Variants in CD101 observed in about 807,000 individuals in gnomAD.
CD101 encodes the protein immunoglobulin superfamily member 2.
CD101 carries 76 observed loss-of-function variants against 98.2 expected under a neutral mutation model. The observed-to-expected ratio is 0.77, with a 90% confidence interval of 0.64 to 0.94. The LOEUF is 0.94. Ranked by LOEUF, CD101 falls within the 40% of genes least tolerant of loss-of-function variation. CD101 has a pLI of 0.00. For missense variants in CD101, 1,145 were observed against 1,218.8 expected, an observed-to-expected ratio of 0.94 and a Z score of 0.90; for synonymous variants, 471 against 472.7, an observed-to-expected ratio of 1.00 and a Z score of 0.05.
In CD101 at chr1:117,013,650, C is replaced by T; in HGVS notation, c.1086C>T (p.Leu362=). 1 of 1,614,132 alleles carries T rather than the reference C, an allele frequency of 6.2e-7. No homozygotes were observed. Among genetic ancestry groups the T allele is most frequent in the East Asian group, 2.2e-5 (1 of 44,882 alleles). Residue 362 remains leucine (L), a synonymous_variant, in exon 4 of 10, where the codon CTC becomes CTT. Transcript: ENST00000682167. ...VSKLGPKAFS[L]KIFSLGPEDE... ...AGTTAGGCCCCAAGGCTTTCTCTCT[C>T]AAGATCTTCTCTCTGGGCCCAGAGG...
At position 117,012,164 on chromosome 1, in the gene CD101, C is replaced by A. The variant is rs2101121209; in HGVS notation, c.841+198C>A. 6.6e-6 allele frequency among the ~76,000 whole-genome samples: 1 copy of A among 152,314 alleles called. No individual in the cohort carries two copies. Among genetic ancestry groups the A allele is most frequent in the South Asian group, 2.1e-4 (1 of 4,828 alleles). ...TCAGTTCTGGCTCTGCCCACGGATTCTTTATGGGATAAGGTCTACTGAGTG... is the reference window on the plus strand; with the variant it reads ...TCAGTTCTGGCTCTGCCCACGGATTATTTATGGGATAAGGTCTACTGAGTG... On this transcript the variant is annotated intron_variant, in intron 3 of 9. Transcript: ENST00000682167. This position sits in a 1 kb window ranked among gnomAD's most constrained non-coding sequence, Gnocchi z 4.0.
chr1:117,019,771 C>T lies in CD101; in HGVS notation c.2017+1211C>T, dbSNP rs1653455647. On this transcript the variant is annotated intron_variant, in intron 6 of 9. Coordinates refer to ENST00000682167, the MANE Select transcript of CD101 (RefSeq NM_001256106.3). This position sits in a 1 kb window ranked among gnomAD's most constrained non-coding sequence, Gnocchi z 4.3. ...TGCACTCATTATGTCAAAACATAAA[C>T]CCACCATTATCATCCAAAGCTCTTT... Among the ~76,000 whole-genome samples the T allele has an allele frequency of 6.6e-6, 1 of 152,124 alleles. No homozygotes were observed. Among genetic ancestry groups the T allele is most frequent in the African/African-American group, 2.4e-5 (1 of 41,428 alleles).
intron 1 of CD101, among the ~76,000 whole-genome samples, chr1:117,003,137 A>G (rs914467369): frequency 1.3e-5 from 2 of 152,142 alleles, no homozygotes; most frequent in Non-Finnish European, 2.9e-5. Flanking sequence ...GTGAGATTCC[A>G]TCTAAAAAAA....
Position 117,021,515 on chromosome 1 carries a change from C to G in CD101, c.2018-58C>G. 6.9e-7 allele frequency: 1 copy of G among 1,444,122 alleles called. No individual in the cohort carries two copies. The highest frequency in any genetic ancestry group is 9.2e-7 in the Non-Finnish European group (1 of 1,082,268). 89.5% of individuals were successfully genotyped at this position (1,444,122 alleles called of 1,614,324 possible). ...GTGTCATACTTGACCTCTAATGTCT[C>G]TACTACCTTAACTTTCTATTTCATA... On this transcript the variant is annotated intron_variant, in intron 6 of 9. Coordinates refer to ENST00000682167, the MANE Select transcript of CD101 (RefSeq NM_001256106.3). This position sits in a 1 kb window ranked among gnomAD's most constrained non-coding sequence, Gnocchi z 4.7.
At chr1:117,029,334 A>AAT in intron 8 of CD101, among the ~76,000 whole-genome samples, 1 of 152,292 alleles carries the variant, frequency 6.6e-6, no homozygotes, top group Middle Eastern at 3.4e-3. Context: ...AGAAAGAAGG[A>AAT]ATGAAGGAAG....
Position 117,010,303 on chromosome 1 carries a change from T to C in CD101, c.424+73T>C, listed in dbSNP as rs2101118320. The C allele has an allele frequency of 6.8e-7, 1 of 1,479,432 alleles. No homozygotes were observed. Among genetic ancestry groups the C allele is most frequent in the South Asian group, 1.3e-5 (1 of 78,112 alleles). 91.6% of individuals were successfully genotyped at this position (1,479,432 alleles called of 1,614,324 possible). Reference sequence around the variant, plus strand: ...TCTCCACCATGACAATATCTTGCAATATGACATGGCTTTATATTGTTCCAT... The same window carrying C: ...TCTCCACCATGACAATATCTTGCAACATGACATGGCTTTATATTGTTCCAT... On this transcript the variant is annotated intron_variant, in intron 2 of 9. Transcript: ENST00000682167. This position sits in a 1 kb window ranked among gnomAD's most constrained non-coding sequence, Gnocchi z 5.2.
At chr1:117,002,649 C>T (rs1254412269) in intron 1 of CD101, among the ~76,000 whole-genome samples, 4 of 152,162 alleles carry the variant, frequency 2.6e-5, no homozygotes, top group African/African-American at 9.7e-5. Flanking sequence ...CATAGAATTA[C>T]AGAGGAAATC....
chr1:117,029,247 AAGAAAGAAAGAAAGAAAGAAAGAAAG>A lies in CD101; in HGVS notation c.2824+3346_2824+3371del, dbSNP rs1173060242. 2.0e-5 allele frequency among the ~76,000 whole-genome samples: 3 copies of A among 147,470 alleles called. 1 individual carries two copies. Among genetic ancestry groups the A allele is most frequent in the African/African-American group, 5.3e-5 (2 of 37,610 alleles). ...AAAGAAAGAAAGAAAGAAAGAAAGA[AAGAAAGAAAGAAAGAAAGAAAGAAAG>A]AGTAGATACGGTTGACAGTCCAACA... On this transcript the variant is annotated intron_variant, in intron 8 of 9. Transcript: ENST00000682167.
At chr1:117,015,519 C>T (rs1557769609) in intron 4 of CD101, among the ~76,000 whole-genome samples, 3 of 152,128 alleles carry the variant, frequency 2.0e-5, no homozygotes, top group Non-Finnish European at 4.4e-5. Flanking sequence ...GACATTAACC[C>T]TCATTCTCTC....
intron 1 of CD101, among the ~76,000 whole-genome samples, chr1:117,007,408 C>T (rs556853137): frequency 1.6e-4 from 25 of 151,688 alleles, no homozygotes; most frequent in African/African-American, 2.2e-4. Flanking sequence ...AGTACAGTGA[C>T]GCAATCTCGG....
chr1:117,030,335 C>G (rs1249031772), intron 8 of CD101, among the ~76,000 whole-genome samples: 1 of 151,762 alleles, frequency 6.6e-6, no homozygotes, highest in Non-Finnish European at 1.5e-5. Flanking sequence ...AAGCCATGAT[C>G]ATGCCACTTT....
intron 8 of CD101, among the ~76,000 whole-genome samples, chr1:117,029,306 G>C (rs1277495863): frequency 6.7e-6 from 1 of 149,576 alleles, no homozygotes; most frequent in Non-Finnish European, 1.5e-5. Flanking sequence ...ACATCTGAAA[G>C]AAAGAAAGAA....
At position 117,011,707 on chromosome 1, in the gene CD101, A is replaced by C; in HGVS notation, c.582A>C (p.Gln194His). Residue 194 changes from glutamine to histidine, a missense_variant, in exon 3 of 10, where the codon CAA becomes CAC. Gln to His is a conservative substitution (Grantham distance 24). Coordinates refer to ENST00000682167, the MANE Select transcript of CD101 (RefSeq NM_001256106.3). Reference protein sequence around the residue: ...WYLTQDGGGSQATEIISLSKD... With the variant: ...WYLTQDGGGSHATEIISLSKD... ...TAACACAGGATGGAGGAGGAAGCCA[A>C]GCCACTGAGATTATTTCTCTCTCCA... 6.2e-7 allele frequency: 1 copy of C among 1,614,158 alleles called. No individual in the cohort carries two copies.
rs1264985498 is a variant in CD101 at position 117,017,410 on chromosome 1, T to G, written c.1549T>G (p.Ser517Ala). The G allele has an allele frequency of 6.2e-7, 1 of 1,614,060 alleles. No individual in the cohort carries two copies. Among genetic ancestry groups the G allele is most frequent in the Admixed American group, 1.7e-5 (1 of 60,002 alleles). Residue 517 changes from serine (S) to alanine (A), a missense_variant, in exon 5 of 10, where the codon TCT becomes GCT. Coordinates refer to ENST00000682167, the MANE Select transcript of CD101 (RefSeq NM_001256106.3). ...ATATGAGTGCAGAGTATCTGAGAAG[T>G]CTCGGAACCAGGCCAGAGATCTGAG... ...GTYECRVSEK[S>A]RNQARDLSWT...
Position 117,033,986 on chromosome 1 carries a change from T to C in CD101, c.2951T>C (p.Leu984Ser). The C allele has an allele frequency of 6.2e-7, 1 of 1,614,182 alleles. No individual in the cohort carries two copies. The highest frequency in any genetic ancestry group is 2.2e-5 in the East Asian group (1 of 44,882). ...TGCTTATACTGGAAGGCCAGGAAGT[T>C]GTCAACACTGCGTTCCAACACACGG... ...LLCLYWKARK[L>S]STLRSNTRKE... is the part of the protein sequence containing the mutation. The change falls in exon 9 of 10, where the codon TTG becomes TCG. Residue 984 changes from leucine to serine, a missense_variant. By Grantham distance (145) the Leu-to-Ser change is moderately radical (BLOSUM62 -2). Transcript: ENST00000682167. The surrounding 1 kb of genome is among the most constrained non-coding windows in gnomAD (Gnocchi z 4.8).
chr1:117,017,682 G>T (rs1258175177), intron 5 of CD101, among the ~76,000 whole-genome samples: 1 of 152,170 alleles, frequency 6.6e-6, no homozygotes. Context: ...CTTGTAAATT[G>T]TTGTTCAAGG....
chr1:117,025,498 T>C lies in CD101; in HGVS notation c.2429-11T>C. On this transcript the variant is annotated splice_polypyrimidine_tract_variant and intron_variant, in intron 7 of 9. Coordinates refer to ENST00000682167, the MANE Select transcript of CD101 (RefSeq NM_001256106.3). ...CTGCATTCTCTAATTTACTGCCATTTTATTTTCTAGGAAGTAAGGTACGTG... is the reference window on the plus strand; with the variant it reads ...CTGCATTCTCTAATTTACTGCCATTCTATTTTCTAGGAAGTAAGGTACGTG... 6.6e-7 allele frequency: 1 copy of C among 1,515,102 alleles called. No individual in the cohort carries two copies. Among genetic ancestry groups the C allele is most frequent in the Non-Finnish European group, 8.8e-7 (1 of 1,136,342 alleles). The allele number at this position is 1,515,102 out of a possible 1,614,324, so 93.9% of individuals were successfully genotyped here.
intron 9 of CD101, among the ~76,000 whole-genome samples, chr1:117,034,767 A>C (rs1654701928): frequency 6.6e-6 from 1 of 152,202 alleles, no homozygotes; most frequent in Non-Finnish European, 1.5e-5. Context: ...GTTTGATAAG[A>C]CTTTTTATTA....
chr1:117,011,552 A>G lies in CD101; in HGVS notation c.427A>G (p.Ile143Val). Residue 143 changes from isoleucine (I) to valine (V), a missense_variant and splice_region_variant, in exon 3 of 10, where the codon ATT becomes GTT. Coordinates refer to ENST00000682167, the MANE Select transcript of CD101 (RefSeq NM_001256106.3). The part of the protein sequence containing the change: ...SYSAKTNLIV[I>V]PDTLSATMSS... ...TATTATCATTCCTTTGTTTCCAGTTATTCCAGATACCCTCTCTGCCACCAT... is the reference window on the plus strand; with the variant it reads ...TATTATCATTCCTTTGTTTCCAGTTGTTCCAGATACCCTCTCTGCCACCAT... 6.2e-7 allele frequency: 1 copy of G among 1,611,144 alleles called. No individual in the cohort carries two copies.
Sources: gnomAD v4.1 joint callset for allele counts (sites outside exome capture counted in the v4.1 genomes callset) on GRCh38, gnomAD v4.1.1 for gene constraint, Gnocchi (gnomAD v3.1) non-coding constraint, MANE v1.5 for transcripts, NCBI Gene and HGNC (gene_info 2026-07-23, HGNC 2026-07-21) for gene names.